The following CEP350 variants were observed in gnomAD, a reference collection of about 807,000 sequenced individuals.
CEP350 encodes the protein centrosome-associated protein 350.
A neutral mutation model predicts 331.8 loss-of-function variants in CEP350; 126 were observed. The observed-to-expected ratio is 0.38, with a 90% CI of 0.33 to 0.44. The LOEUF (loss-of-function observed/expected upper bound fraction) is 0.44. CEP350 is among the 20% of genes least tolerant of loss of function. The probability of loss-of-function intolerance (pLI) is 1.00; values close to 1 mark genes in which losing one functional copy is unlikely to be tolerated. For synonymous variants in CEP350, 1,200 were observed against 1,259.5 expected (o/e 0.95, Z 1.00); for missense variants, 3,406 against 3,634.6 (o/e 0.94, Z 1.62).
chr1:180,111,054 T>G lies in CEP350; in HGVS notation c.9247T>G (p.Cys3083Gly). Residue 3083 changes from cysteine to glycine, a missense_variant, in exon 38 of 38, where the codon TGT becomes GGT. Physicochemically the swap from Cys to Gly is radical, Grantham distance 159. This residue lies in a region of CEP350 where 29 missense variants were observed against 52.8 expected (regional missense o/e 0.55). Coordinates refer to ENST00000367607, the MANE Select transcript of CEP350 (RefSeq NM_014810.5). ...GGTGAACTATGATGAGGATGAGTTG[T>G]GTGTGAAAATGCAGCTAGCCGACGG... The part of the protein sequence containing the change: ...QWVNYDEDEL[C>G]VKMQLADGIF... The G allele has an allele frequency of 6.2e-7, 1 of 1,613,938 alleles. No homozygotes were observed.
chr1:180,073,995 C>T, intron 27 of CEP350: 49 of 1,077,600 alleles, frequency 4.5e-5, no homozygotes, highest in Admixed American at 8.6e-5. Flanking sequence ...CTCTCTCTCT[C>T]TTTTTTTTTA....
chr1:180,073,412 A>C (rs2149054879), intron 27 of CEP350, among the ~76,000 whole-genome samples: 1 of 152,354 alleles, frequency 6.6e-6, no homozygotes, highest in East Asian at 1.9e-4. Context: ...ATATGTGTGT[A>C]GAGTTGCTGA....
intron 8 of CEP350, among the ~76,000 whole-genome samples, chr1:180,006,834 A>G (rs1345494695): frequency 2.0e-5 from 3 of 152,022 alleles, no homozygotes; most frequent in Admixed American, 6.6e-5. Context: ...TTCAACTCCC[A>G]CTTATGAGTG....
intron 1 of CEP350, among the ~76,000 whole-genome samples, chr1:179,970,013 T>G (rs1463253223): frequency 2.0e-5 from 3 of 152,222 alleles, no homozygotes; most frequent in African/African-American, 7.2e-5. Flanking sequence ...TCAGGATAAC[T>G]AGATAGTGAG....
At chr1:179,979,647 T>A (rs1320091962) in intron 1 of CEP350, among the ~76,000 whole-genome samples, 1 of 152,020 alleles carries the variant, frequency 6.6e-6, no homozygotes, top group East Asian at 1.9e-4. Context: ...ACTGTTTCCC[T>A]TATGTTTTCT....
At chr1:179,999,967 G>T (rs1199384401) in intron 6 of CEP350, among the ~76,000 whole-genome samples, 1 of 151,824 alleles carries the variant, frequency 6.6e-6, no homozygotes, top group Admixed American at 6.6e-5. Context: ...TTTCTTCCTG[G>T]TATAAATGCC....
Position 180,015,857 on chromosome 1 carries a change from A to G in CEP350, c.2061A>G (p.Pro687=). ...ATGTCCTTTTCTCCTAGGCCAAACC[A>G]GGGTATCAGCCATCTGGAGAATCTG... ...QHVTQETQAK[P]GYQPSGESDK... is the part of the protein sequence containing the mutation. Residue 687 remains proline, a synonymous_variant, in exon 11 of 38, where the codon CCA becomes CCG. Coordinates refer to ENST00000367607, the MANE Select transcript of CEP350 (RefSeq NM_014810.5). 1 of 1,613,582 alleles carries G rather than the reference A, an allele frequency of 6.2e-7. No individual in the cohort carries two copies. The highest frequency in any genetic ancestry group is 8.5e-7 in the Non-Finnish European group (1 of 1,179,662).
Position 180,093,428 on chromosome 1 carries a change from G to A in CEP350, c.7323G>A (p.Glu2441=). ...SNEEISECLS[E]KSLSIHSNVH... is the part of the protein sequence containing the mutation. The stretch of plus-strand genomic sequence containing the variant: ...AGGAAATCAGTGAGTGCCTAAGTGA[G>A]AAAAGCCTTTCTATCCATAGCAATG... Residue 2441 remains glutamate (E), a synonymous_variant, in exon 34 of 38, where the codon GAG becomes GAA. Coordinates refer to ENST00000367607, the MANE Select transcript of CEP350 (RefSeq NM_014810.5). 1.3e-6 allele frequency: 2 copies of A among 1,599,812 alleles called. No individual in the cohort carries two copies. Among genetic ancestry groups the A allele is most frequent in the Non-Finnish European group, 1.7e-6 (2 of 1,172,740 alleles).
chr1:179,978,009 T>C (rs1652002588), intron 1 of CEP350, among the ~76,000 whole-genome samples: 2 of 151,504 alleles, frequency 1.3e-5, no homozygotes. Context: ...TTTTAGTAAA[T>C]AGCAGGAGCA....
chr1:180,070,677 G>A (rs911320673), intron 27 of CEP350, among the ~76,000 whole-genome samples: 4 of 152,164 alleles, frequency 2.6e-5, no homozygotes, highest in African/African-American at 7.2e-5. Context: ...TTAAGTTAGC[G>A]TATCTGCTTT....
chr1:180,006,362 A>AT, intron 7 of CEP350, 92 bp from the exon 8 acceptor site: 1 of 702,426 alleles, frequency 1.4e-6, no homozygotes, highest in Non-Finnish European at 2.5e-6. Context: ...TACCTGCAGC[A>AT]TATACTTTAT....
At chr1:180,053,283 T>G in intron 23 of CEP350, 117 bp downstream of exon 23, 1 of 529,958 alleles carries the variant, frequency 1.9e-6, no homozygotes, top group Non-Finnish European at 3.2e-6. Flanking sequence ...TTCTAAGATA[T>G]CAGTTTTATT....
At chr1:180,057,366 G>T (rs1340197241) in intron 25 of CEP350, among the ~76,000 whole-genome samples, 1 of 151,826 alleles carries the variant, frequency 6.6e-6, no homozygotes, top group Non-Finnish European at 1.5e-5. Context: ...TTCCCAAAGT[G>T]CTGGGATTAC....
In CEP350 at chr1:180,095,811, C is replaced by T. The variant is rs1364534292; in HGVS notation, c.8800C>T (p.Leu2934Phe). The change falls in exon 35 of 38, where the codon CTT becomes TTT. Residue 2934 changes from leucine (L) to phenylalanine (F), a missense_variant. By Grantham distance (22) the Leu-to-Phe change is conservative. This residue lies in a region of CEP350 where 1,415 missense variants were observed against 1,512.3 expected (regional missense o/e 0.94). Coordinates refer to ENST00000367607, the MANE Select transcript of CEP350 (RefSeq NM_014810.5). The part of the protein sequence containing the change: ...EILVHNAAEE[L>F]WKWKELGHDL... ...TCTTGTACATAATGCAGCAGAAGAA[C>T]TTTGGAAATGGAAAGAATTAGGCCA... The T allele has an allele frequency of 1.2e-6, 2 of 1,613,808 alleles. No homozygotes were observed. Among genetic ancestry groups the T allele is most frequent in the African/African-American group, 2.7e-5 (2 of 74,912 alleles).
intron 6 of CEP350, among the ~76,000 whole-genome samples, chr1:180,002,834 A>G (rs1399740726): frequency 6.6e-6 from 1 of 152,214 alleles, no homozygotes; most frequent in Non-Finnish European, 1.5e-5. Context: ...TGAGATAAAA[A>G]TAAGACACAA....
At chr1:180,000,500 T>TG (rs1260009026) in intron 6 of CEP350, 3 of 154,632 alleles carry the variant, frequency 1.9e-5, no homozygotes, top group African/African-American at 7.2e-5. Context: ...GCTGTTTCCT[T>TG]GGGGTCTTTT....
rs1187014461 is a variant in CEP350 at position 180,044,094 on chromosome 1, C to A, written c.4543C>A (p.Leu1515Ile). The change falls in exon 21 of 38, where the codon CTT becomes ATT. Residue 1515 changes from leucine (L) to isoleucine (I), a missense_variant. Transcript: ENST00000367607. ...VSLSQSKEGT[L>I]DSKHQKYSAS... is the part of the protein sequence containing the mutation. ...ACTCTCTCAGAGTAAAGAAGGGACCCTTGACTCAAAGCATCAGAAGTATTC... is the reference window on the plus strand; with the variant it reads ...ACTCTCTCAGAGTAAAGAAGGGACCATTGACTCAAAGCATCAGAAGTATTC... The A allele has an allele frequency of 1.3e-6, 2 of 1,558,264 alleles. No homozygotes were observed. Among genetic ancestry groups the A allele is most frequent in the East Asian group, 2.4e-5 (1 of 42,204 alleles).
At chr1:180,002,466 T>A (rs555476561) in intron 6 of CEP350, among the ~76,000 whole-genome samples, 2 of 152,108 alleles carry the variant, frequency 1.3e-5, no homozygotes, top group East Asian at 3.9e-4. Flanking sequence ...ACATTGAGAC[T>A]ATATCTCAAA....
rs374106604 is a variant in CEP350 at position 180,112,965 on chromosome 1, C to T, written c.*1804C>T. ...GCACTGAAATGTTGTGATTGGGTCT[C>T]GGGAAATGCTCAGATTGATGTCTTA... On this transcript the variant is annotated 3_prime_UTR_variant, in exon 38 of 38. Transcript: ENST00000367607. 2 of 152,564 alleles carry T rather than the reference C, an allele frequency of 1.3e-5. No individual in the cohort carries two copies. The highest frequency in any genetic ancestry group is 2.9e-5 in the Non-Finnish European group (2 of 68,030). The allele number at this position is 152,564 out of a possible 1,614,324, so 9.5% of individuals were successfully genotyped here. A position where few individuals can be genotyped will look rare whatever the true frequency, so the allele number is the denominator to read the frequency against.
Sources: allele counts gnomAD v4.1 joint callset (sites outside exome capture counted in the v4.1 genomes callset), GRCh38; gene constraint gnomAD v4.1.1; regional missense constraint gnomAD v4.1.1; transcripts MANE v1.5; gene names NCBI Gene and HGNC (gene_info 2026-07-23, HGNC 2026-07-21).